The following PRICKLE3 variants were observed in gnomAD, a reference collection of about 807,000 sequenced individuals.
PRICKLE3 encodes the protein LIM domain only protein 6.
Under a neutral mutation model 33.8 loss-of-function variants are expected in PRICKLE3, and 17 were observed. That is an observed-to-expected ratio of 0.50 (90% CI 0.34 to 0.75). The LOEUF is 0.75. Ranked by LOEUF, PRICKLE3 falls within the 30% of genes least tolerant of loss-of-function variation. The pLI is 0.01. For missense variants in PRICKLE3, 573 were observed against 576.7 expected (o/e 0.99, Z 0.07); for synonymous variants, 211 against 219.6 (o/e 0.96, Z 0.34).
At chrX:49,180,039 T>TA (rs2065441146) in intron 3 of PRICKLE3, among the ~76,000 whole-genome samples, 1 of 89,861 alleles carries the variant, frequency 1.1e-5, no homozygotes, top group Non-Finnish European at 2.2e-5. Flanking sequence ...GATCACCTTT[T>TA]TTTTTTTTTT....
At position 49,179,272 on chromosome X, in the gene PRICKLE3, G is replaced by A. The variant is rs782418832; in HGVS notation, c.543C>T (p.Ile181=). ...RGIVRIFPVT[I]TGAICEECGK... is the part of the protein sequence containing the mutation. ...TCACCTCCTCACAGATGGCCCCAGT[G>A]ATGGTCACCGGGAAGATGCGCACGA... The change falls in exon 5 of 9, where the codon ATC becomes ATT. Residue 181 remains isoleucine, a synonymous_variant. Transcript: ENST00000599218. 2 of 1,209,811 alleles carry A rather than the reference G, an allele frequency of 1.7e-6. No homozygotes were observed. The highest frequency in any genetic ancestry group is 3.5e-5 in the African/African-American group (2 of 57,292).
chrX:49,186,356 T>A lies in PRICKLE3; in HGVS notation c.-59A>T. On this transcript the variant is annotated 5_prime_UTR_variant, in exon 1 of 9. Transcript: ENST00000599218. ...CAGGCGAATGTAATCCTTGCGACCGTCAGGCCACCGCGCGTCCGGCCTGGG... is the reference window on the plus strand; with the variant it reads ...CAGGCGAATGTAATCCTTGCGACCGACAGGCCACCGCGCGTCCGGCCTGGG... 9 of 1,038,460 alleles carry A rather than the reference T, an allele frequency of 8.7e-6. No homozygotes were observed. The highest frequency in any genetic ancestry group is 1.1e-5 in the Non-Finnish European group (9 of 792,364). 85.6% of individuals were successfully genotyped at this position (1,038,460 alleles called of 1,213,427 possible). A position where few individuals can be genotyped will look rare whatever the true frequency, so the allele number is the denominator to read the frequency against.
intron 3 of PRICKLE3, among the ~76,000 whole-genome samples, chrX:49,181,388 GTA>G (rs1166288227): frequency 0.082 from 6,742 of 82,286 alleles, 284 homozygotes; most frequent in South Asian, 0.24. Flanking sequence ...ATGTGTGTGT[GTA>G]TATATATATA....
Position 49,175,726 on chromosome X carries a change from A to C in PRICKLE3, c.1795T>G (p.Ser599Ala). 8.3e-7 allele frequency: 1 copy of C among 1,211,728 alleles called. No homozygotes were observed. ...GCCTGACGAGGCATCCCTGCGCGAGAGTCCCTGGGGAGCGATAAAGATGGG... is the reference window on the plus strand; with the variant it reads ...GCCTGACGAGGCATCCCTGCGCGAGCGTCCCTGGGGAGCGATAAAGATGGG... ...NSPSLSLPRD[S>A]RAGMPRQARD... Residue 599 changes from serine (S) to alanine (A), a missense_variant, in exon 9 of 9, where the codon TCT (serine) becomes GCT (alanine). Transcript: ENST00000599218.
intron 8 of PRICKLE3, 146 bp downstream of exon 8, chrX:49,176,757 A>T: frequency 1.8e-6 from 1 of 567,826 alleles, no homozygotes; most frequent in Non-Finnish European, 2.5e-6. Context: ...GTGGGGAAGG[A>T]GGATGAGCTG....
rs782690118 is a variant in PRICKLE3 at position 49,183,847 on chromosome X, G to A, written c.199C>T (p.Arg67Cys). The change falls in exon 3 of 9, where the codon CGC becomes TGC. Residue 67 changes from arginine (R) to cysteine (C), a missense_variant. Coordinates refer to ENST00000599218, the MANE Select transcript of PRICKLE3 (RefSeq NM_006150.5). ...TCCGAGATTAGCCGACACATGATGC[G>A]TTCCAGGTCCACAGGCACCGCGTGC... ...AVHAVPVDLE[R>C]IMCRLISDFQ... The A allele has an allele frequency of 5.8e-6, 7 of 1,209,641 alleles. No individual in the cohort carries two copies. The highest frequency in any genetic ancestry group is 7.8e-6 in the Non-Finnish European group (7 of 894,984).
Position 49,183,737 on chromosome X carries a change from C to T in PRICKLE3, c.309G>A (p.Glu103=), listed in dbSNP as rs1557101484. Residue 103 remains glutamate, a synonymous_variant, in exon 3 of 9, where the codon GAG becomes GAA. Coordinates refer to ENST00000599218, the MANE Select transcript of PRICKLE3 (RefSeq NM_006150.5). The part of the protein sequence containing the change: ...YAWVPPGLKP[E]QVYQFFSCLP... ...TGGAGGGCTGGCCTCTGGTCACCTGCTCCGGCTTAAGGCCTGGGGGCACCC... is the reference window on the plus strand; with the variant it reads ...TGGAGGGCTGGCCTCTGGTCACCTGTTCCGGCTTAAGGCCTGGGGGCACCC... The T allele has an allele frequency of 2.5e-6, 3 of 1,209,948 alleles. No individual in the cohort carries two copies. Among genetic ancestry groups the T allele is most frequent in the Admixed American group, 4.4e-5 (2 of 45,817 alleles).
In PRICKLE3 at chrX:49,177,197, C is replaced by A; in HGVS notation, c.961G>T (p.Asp321Tyr). The change falls in exon 8 of 9, where the codon GAC becomes TAC. Residue 321 changes from aspartate to tyrosine, a missense_variant. Physicochemically the swap from Asp to Tyr is radical, Grantham distance 160 (BLOSUM62 -3). Transcript: ENST00000599218. ...CCCTCGTAAGCCATCTGGCCTTGGT[C>A]CAGGCCTGTGGGGAACGACGAGGGG... ...CDGCGEHIGL[D>Y]QGQMAYEGQH... 2 of 1,164,110 alleles carry A rather than the reference C, an allele frequency of 1.7e-6. No homozygotes were observed. Among genetic ancestry groups the A allele is most frequent in the Non-Finnish European group, 2.3e-6 (2 of 875,862 alleles).
At chrX:49,181,388 G>GTATA (rs1166288227) in intron 3 of PRICKLE3, among the ~76,000 whole-genome samples, 45 of 82,554 alleles carry the variant, frequency 5.5e-4, no homozygotes, top group African/African-American at 1.8e-3. Context: ...ATGTGTGTGT[G>GTATA]TATATATATA....
intron 6 of PRICKLE3, 37 bp from the exon 7 acceptor site, chrX:49,178,216 C>A: frequency 5.8e-6 from 7 of 1,198,011 alleles, no homozygotes; most frequent in Non-Finnish European, 7.9e-6. Context: ...GTCAGATGAG[C>A]CTGCTCCTGG....
intron 1 of PRICKLE3, chrX:49,185,045 A>C: frequency 4.7e-6 from 2 of 423,073 alleles, no homozygotes; most frequent in Non-Finnish European, 7.3e-6. Context: ...CTCCCCTATA[A>C]TTCATTGTAC....
chrX:49,175,731 C>T lies in PRICKLE3; in HGVS notation c.1790G>A (p.Arg597Lys). The change falls in exon 9 of 9, where the codon AGG (arginine) becomes AAG (lysine). Residue 597 changes from arginine to lysine, a missense_variant. Arg to Lys is a conservative substitution (Grantham distance 26). Coordinates refer to ENST00000599218, the MANE Select transcript of PRICKLE3 (RefSeq NM_006150.5). ...TFNSPSLSLP[R>K]DSRAGMPRQA... is the part of the protein sequence containing the mutation. Reference sequence around the variant, plus strand: ...ACGAGGCATCCCTGCGCGAGAGTCCCTGGGGAGCGATAAAGATGGGGAGTT... The same window carrying T: ...ACGAGGCATCCCTGCGCGAGAGTCCTTGGGGAGCGATAAAGATGGGGAGTT... The T allele has an allele frequency of 8.3e-7, 1 of 1,211,754 alleles. No individual in the cohort carries two copies. The highest frequency in any genetic ancestry group is 1.1e-6 in the Non-Finnish European group (1 of 895,495).
At chrX:49,186,226 A>G in intron 1 of PRICKLE3, 30 bp downstream of exon 1, 2 of 1,152,277 alleles carry the variant, frequency 1.7e-6, no homozygotes, top group Non-Finnish European at 2.3e-6. Context: ...TTTACCCCCG[A>G]CCCCCACCGC....
chrX:49,184,057 G>A, intron 2 of PRICKLE3, 140 bp from the exon 3 acceptor site: 1 of 786,588 alleles, frequency 1.3e-6, no homozygotes, highest in Non-Finnish European at 1.8e-6. Context: ...TCTGGGCCTG[G>A]GGGCAGGGCT....
intron 1 of PRICKLE3, 97 bp from the exon 2 acceptor site, chrX:49,184,807 A>G: frequency 8.6e-7 from 1 of 1,164,439 alleles, no homozygotes; most frequent in African/African-American, 1.8e-5. Context: ...CCGCGACCGC[A>G]CGCTGGGGCC....
intron 3 of PRICKLE3, among the ~76,000 whole-genome samples, chrX:49,181,590 T>TATATATATAC (rs2065455162): frequency 2.4e-5 from 1 of 40,851 alleles, no homozygotes. Flanking sequence ...TATATACGCG[T>TATATATATAC]GTATCTATAT....
intron 1 of PRICKLE3, 83 bp downstream of exon 1, chrX:49,186,173 C>A: frequency 9.7e-7 from 1 of 1,031,806 alleles, no homozygotes. Context: ...TGTGGGGCAC[C>A]TATTCGCTAT....
Position 49,175,714 on chromosome X carries a change from T to A in PRICKLE3, c.1807A>T (p.Met603Leu). 8.3e-7 allele frequency: 1 copy of A among 1,211,374 alleles called. No individual in the cohort carries two copies. The highest frequency in any genetic ancestry group is 1.1e-6 in the Non-Finnish European group (1 of 895,349). The change falls in exon 9 of 9, where the codon ATG becomes TTG. Residue 603 changes from methionine to leucine, a missense_variant. Transcript: ENST00000599218. ...LSLPRDSRAG[M>L]PRQARDKNCI... Reference sequence around the variant, plus strand: ...TTCTTGTCTCGGGCCTGACGAGGCATCCCTGCGCGAGAGTCCCTGGGGAGC... The same window carrying A: ...TTCTTGTCTCGGGCCTGACGAGGCAACCCTGCGCGAGAGTCCCTGGGGAGC...
At position 49,178,275 on chromosome X, in the gene PRICKLE3, G is replaced by A. The variant is rs781802914; in HGVS notation, c.765C>T (p.Asp255=). The A allele has an allele frequency of 1.1e-5, 13 of 1,199,167 alleles. No individual in the cohort carries two copies. Among genetic ancestry groups the A allele is most frequent in the Admixed American group, 4.5e-5 (2 of 44,123 alleles). Residue 255 remains aspartate, a synonymous_variant, in exon 6 of 9, where the codon GAC becomes GAT. Transcript: ENST00000599218. ...CCCTGGGCAGGGAGGCCCAAACCTCGTCACAGGCTTGGCAGCGTGGACGCA... is the reference window on the plus strand; with the variant it reads ...CCCTGGGCAGGGAGGCCCAAACCTCATCACAGGCTTGGCAGCGTGGACGCA... ...ECLRPRCQAC[D]EIIFSPECTE... is the part of the protein sequence containing the mutation.
Sources: allele counts gnomAD v4.1 joint callset (sites outside exome capture counted in the v4.1 genomes callset), GRCh38; gene constraint gnomAD v4.1.1; transcripts MANE v1.5; gene names NCBI Gene and HGNC (gene_info 2026-07-23, HGNC 2026-07-21).